Variants in MSRA observed in about 807,000 individuals in gnomAD.
The protein encoded by MSRA is methionine sulfoxide reductase A, also known as mitochondrial peptide methionine sulfoxide reductase.
In MSRA, 54 loss-of-function variants were observed where a neutral mutation model predicts 31.3. The observed-to-expected ratio is 1.73, with a 90% confidence interval of 1.39 to 2.17. The LOEUF (loss-of-function observed/expected upper bound fraction) is 2.17, where lower values mean the gene tolerates loss of function less well. Among genes scored for constraint, MSRA ranks in the 30% most tolerant of loss-of-function variants. MSRA has a pLI of 0.00. For synonymous variants in MSRA, 169 were observed against 116.5 expected (o/e 1.45, Z -2.90); for missense variants, 507 against 300.9 (o/e 1.69, Z -5.07).
chr8:10,120,780 G>A (rs899009670), intron 1 of MSRA, among the ~76,000 whole-genome samples: 1 of 152,160 alleles, frequency 6.6e-6, no homozygotes, highest in African/African-American at 2.4e-5. Flanking sequence ...GGGAAGCCTT[G>A]TTCTCTCTCC....
At chr8:10,303,477 T>G (rs547825778) in intron 4 of MSRA, among the ~76,000 whole-genome samples, 11 of 152,158 alleles carry the variant, frequency 7.2e-5, no homozygotes, top group Non-Finnish European at 1.5e-4. Context: ...ATCTCTGGGG[T>G]TAAAAAAGAT....
intron 3 of MSRA, among the ~76,000 whole-genome samples, chr8:10,280,182 T>A (rs1308095547): frequency 6.6e-6 from 1 of 152,142 alleles, no homozygotes; most frequent in African/African-American, 2.4e-5. Context: ...TATAATTTAT[T>A]TGTGCTTTCT....
chr8:10,377,513 G>A (rs1001459204), intron 5 of MSRA, among the ~76,000 whole-genome samples: 7 of 152,190 alleles, frequency 4.6e-5, no homozygotes, highest in South Asian at 2.1e-4. Flanking sequence ...TGGGAGAGCC[G>A]GGGGCATCTA....
intron 5 of MSRA, among the ~76,000 whole-genome samples, chr8:10,417,958 C>T (rs545579507): frequency 3.9e-5 from 6 of 152,046 alleles, no homozygotes; most frequent in Admixed American, 6.6e-5. Context: ...TCCACATGCC[C>T]GCGTCCTGCC....
chr8:10,299,522 A>G (rs1170742981), intron 3 of MSRA, among the ~76,000 whole-genome samples: 1 of 152,140 alleles, frequency 6.6e-6, no homozygotes, highest in Non-Finnish European at 1.5e-5. Context: ...TGACTATAGT[A>G]TTTGAATTAA....
intron 5 of MSRA, among the ~76,000 whole-genome samples, chr8:10,380,112 C>G (rs1054033230): frequency 6.6e-6 from 1 of 152,232 alleles, no homozygotes; most frequent in Admixed American, 6.5e-5. Flanking sequence ...GCTTTGTCTA[C>G]TATACATCTC....
intron 1 of MSRA, among the ~76,000 whole-genome samples, chr8:10,138,259 G>C (rs1373971657): frequency 1.3e-5 from 2 of 152,124 alleles, no homozygotes; most frequent in East Asian, 3.9e-4. Flanking sequence ...GGTGTCAGCT[G>C]GTTTCAATAA....
At chr8:10,128,905 G>A (rs936828600) in intron 1 of MSRA, among the ~76,000 whole-genome samples, 1 of 152,186 alleles carries the variant, frequency 6.6e-6, no homozygotes, top group African/African-American at 2.4e-5. Context: ...TTCCAGGAGA[G>A]GAGTTTAGGA....
At chr8:10,139,437 G>C (rs572084664) in intron 1 of MSRA, among the ~76,000 whole-genome samples, 2 of 152,172 alleles carry the variant, frequency 1.3e-5, no homozygotes, top group Non-Finnish European at 2.9e-5. Context: ...GATCTGTTGC[G>C]TAGTGGTGAA....
intron 5 of MSRA, among the ~76,000 whole-genome samples, chr8:10,374,379 G>A (rs1805642890): frequency 6.6e-6 from 1 of 152,108 alleles, no homozygotes; most frequent in Admixed American, 6.5e-5. Flanking sequence ...GTACGGGAGA[G>A]GTGATAAGAA....
chr8:10,272,252 A>G (rs1799083006), intron 3 of MSRA, among the ~76,000 whole-genome samples: 1 of 152,220 alleles, frequency 6.6e-6, no homozygotes, highest in South Asian at 2.1e-4. Flanking sequence ...AGGTTAATGT[A>G]TTATAAAGAA....
chr8:10,296,756 C>T (rs960543964), intron 3 of MSRA, among the ~76,000 whole-genome samples: 2 of 152,176 alleles, frequency 1.3e-5, no homozygotes, highest in Admixed American at 1.3e-4. Context: ...AGGCATGGCT[C>T]ATTTGCCAGG....
intron 1 of MSRA, among the ~76,000 whole-genome samples, chr8:10,134,241 G>C (rs1315151636): frequency 6.6e-6 from 1 of 152,204 alleles, no homozygotes; most frequent in East Asian, 1.9e-4. Context: ...TTCACTGGAA[G>C]TGTCATGATA....
chr8:10,057,387 T>G (rs923983363), intron 1 of MSRA, among the ~76,000 whole-genome samples: 2 of 152,130 alleles, frequency 1.3e-5, no homozygotes, highest in Admixed American at 1.3e-4. Flanking sequence ...TTGAAGTGTA[T>G]TGGTATTGTA....
intron 3 of MSRA, among the ~76,000 whole-genome samples, chr8:10,277,413 G>A (rs1799380238): frequency 6.6e-6 from 1 of 152,146 alleles, no homozygotes; most frequent in African/African-American, 2.4e-5. Context: ...CCCTGTTTAT[G>A]CCTCTTTCCA....
At chr8:10,060,879 A>G (rs757125141) in intron 1 of MSRA, among the ~76,000 whole-genome samples, 3 of 152,336 alleles carry the variant, frequency 2.0e-5, no homozygotes, top group Non-Finnish European at 2.9e-5. Context: ...TTCCACTATT[A>G]TGTAGAAGGC....
rs573536952 is a variant in MSRA, at chr8:10,165,047, T to A, written c.143-42786T>A. On this transcript the variant is annotated intron_variant, in intron 1 of 5. Transcript: ENST00000317173. Reference sequence around the variant, plus strand: ...CAACACAAAAAACTGTATTGATGTCTGGGCTGCATCCTAGACCAATTAAAT... The same window carrying A: ...CAACACAAAAAACTGTATTGATGTCAGGGCTGCATCCTAGACCAATTAAAT... Among the ~76,000 whole-genome samples, 87 of 152,254 alleles carry A rather than the reference T, an allele frequency of 5.7e-4. 1 individual carries two copies. Among genetic ancestry groups the A allele is most frequent in the Non-Finnish European group, 1.1e-3 (73 of 68,018 alleles).
intron 1 of MSRA, among the ~76,000 whole-genome samples, chr8:10,087,069 CAAT>C (rs994556100): frequency 6.6e-6 from 1 of 152,110 alleles, no homozygotes; most frequent in African/African-American, 2.4e-5. Flanking sequence ...GGAGATGTTT[CAAT>C]AATAAGAATT....
intron 1 of MSRA, among the ~76,000 whole-genome samples, chr8:10,066,976 T>G (rs1797484240): frequency 1.3e-5 from 2 of 152,194 alleles, no homozygotes; most frequent in African/African-American, 4.8e-5. Flanking sequence ...TGTTAACGTC[T>G]TGCTTTAGTT....
Sources: gnomAD v4.1 joint callset for allele counts (sites outside exome capture counted in the v4.1 genomes callset) on GRCh38, gnomAD v4.1.1 for gene constraint, MANE v1.5 for transcripts, NCBI Gene and HGNC (gene_info 2026-07-23, HGNC 2026-07-21) for gene names.